Variants in RGS9 observed in about 807,000 individuals in gnomAD.
RGS9 encodes the protein regulator of G protein signaling 9.
RGS9 carries 78 observed loss-of-function variants against 102.0 expected under a neutral mutation model. That is an observed-to-expected ratio of 0.76 (90% CI 0.64 to 0.92). The LOEUF (loss-of-function observed/expected upper bound fraction) is 0.92, where lower values mean the gene tolerates loss of function less well. Ranked by LOEUF, RGS9 falls within the 40% of genes least tolerant of loss-of-function variation. The probability of loss-of-function intolerance (pLI) is 0.00; values close to 1 mark genes in which losing one functional copy is unlikely to be tolerated. For synonymous variants in RGS9, 353 were observed against 318.6 expected (o/e 1.11, Z -1.15); for missense variants, 833 against 866.1 (o/e 0.96, Z 0.48).
intron 17 of RGS9, among the ~76,000 whole-genome samples, chr17:65,212,024 G>A (rs528105801): frequency 1.5e-3 from 228 of 152,342 alleles, no homozygotes; most frequent in African/African-American, 5.3e-3. Context: ...AGTGAGATGA[G>A]TTTTCTCTGC....
intron 1 of RGS9, 138 bp from the exon 2 acceptor site, chr17:65,153,284 C>T (rs1910648585): frequency 2.6e-6 from 2 of 779,710 alleles, no homozygotes; most frequent in Admixed American, 1.7e-5. Context: ...ACTCAGTGCC[C>T]ACCTGGCTCC....
intron 12 of RGS9, 122 bp from the exon 13 acceptor site, chr17:65,197,004 G>C (rs1396003466): frequency 2.8e-6 from 2 of 720,012 alleles, no homozygotes; most frequent in Non-Finnish European, 5.1e-6. Flanking sequence ...GTTATGCAGG[G>C]ATTGGGAGGA....
rs902329283 is a variant in RGS9 at position 65,160,760 on chromosome 17, C to T, written c.365-91C>T. ...CTGGGTGTGCTGAGCGTTCTCTCCCCGACTCTGAGCACAGCAGCCTCAGGC... is the reference window on the plus strand; with the variant it reads ...CTGGGTGTGCTGAGCGTTCTCTCCCTGACTCTGAGCACAGCAGCCTCAGGC... On this transcript the variant is annotated intron_variant, in intron 5 of 18. Transcript: ENST00000262406. 230 of 1,459,610 alleles carry T rather than the reference C, an allele frequency of 1.6e-4. 1 individual carries two copies. Among genetic ancestry groups the T allele is most frequent in the Non-Finnish European group, 1.8e-4 (183 of 1,041,426 alleles). The allele number at this position is 1,459,610 out of a possible 1,614,324, so 90.4% of individuals were successfully genotyped here.
At chr17:65,207,463 C>T (rs1913109851) in intron 15 of RGS9, among the ~76,000 whole-genome samples, 1 of 152,158 alleles carries the variant, frequency 6.6e-6, no homozygotes, top group Admixed American at 6.5e-5. Flanking sequence ...CATACATGAC[C>T]AGCTGTCTCA....
intron 1 of RGS9, among the ~76,000 whole-genome samples, chr17:65,144,482 C>T (rs544579556): frequency 1.3e-5 from 2 of 152,302 alleles, no homozygotes; most frequent in East Asian, 1.9e-4. Flanking sequence ...CAGCTGACAC[C>T]CTGACCCCCT....
chr17:65,159,287 T>C (rs1188891912), intron 3 of RGS9, among the ~76,000 whole-genome samples: 1 of 152,074 alleles, frequency 6.6e-6, no homozygotes, highest in Non-Finnish European at 1.5e-5. Flanking sequence ...CCAGGTGAAA[T>C]AAACAGCCTT....
At chr17:65,182,614 A>G (rs570961061) in intron 9 of RGS9, among the ~76,000 whole-genome samples, 100 of 152,350 alleles carry the variant, frequency 6.6e-4, no homozygotes, top group African/African-American at 2.3e-3. Flanking sequence ...AACAGAGACA[A>G]TGTCAGTTTC....
At chr17:65,148,694 T>C (rs1449320999) in intron 1 of RGS9, among the ~76,000 whole-genome samples, 1 of 152,182 alleles carries the variant, frequency 6.6e-6, no homozygotes, top group Non-Finnish European at 1.5e-5. Flanking sequence ...TCAGCCAGTC[T>C]GCAGTTGCTA....
At chr17:65,163,821 G>T (rs1424951821) in intron 7 of RGS9, among the ~76,000 whole-genome samples, 1 of 152,196 alleles carries the variant, frequency 6.6e-6, no homozygotes, top group African/African-American at 2.4e-5. Context: ...CCTTGCAGCT[G>T]CATCTGAGAG....
At chr17:65,204,073 C>G (rs9907340) in intron 14 of RGS9, 90 bp from the exon 15 acceptor site, 8 of 1,490,408 alleles carry the variant, frequency 5.4e-6, no homozygotes, top group Admixed American at 3.4e-5. Flanking sequence ...GTAACCGATT[C>G]GTATCAGTCC....
chr17:65,143,643 A>G (rs1163917073), intron 1 of RGS9, among the ~76,000 whole-genome samples: 2 of 151,638 alleles, frequency 1.3e-5, no homozygotes, highest in Non-Finnish European at 2.9e-5. Flanking sequence ...CACACACACA[A>G]ATGAGCTGGG....
At chr17:65,139,121 T>C (rs1487144340) in intron 1 of RGS9, among the ~76,000 whole-genome samples, 198 of 116,266 alleles carry the variant, frequency 1.7e-3, no homozygotes, top group African/African-American at 2.9e-3. Flanking sequence ...CACCCCACCT[T>C]TCCCTCCTCC....
chr17:65,199,387 T>C (rs1912726305), intron 13 of RGS9, among the ~76,000 whole-genome samples: 1 of 152,118 alleles, frequency 6.6e-6, no homozygotes, highest in Non-Finnish European at 1.5e-5. Flanking sequence ...AGACATTTCA[T>C]GTAAACGAAA....
intron 2 of RGS9, 53 bp from the exon 3 acceptor site, chr17:65,158,242 G>A (rs371163516): frequency 2.5e-5 from 38 of 1,540,704 alleles, no homozygotes; most frequent in African/African-American, 2.3e-4. Context: ...GTGGAGGAGC[G>A]GGGATGTGTC....
intron 15 of RGS9, among the ~76,000 whole-genome samples, chr17:65,206,726 T>A (rs1242279236): frequency 6.6e-6 from 1 of 152,134 alleles, no homozygotes; most frequent in Non-Finnish European, 1.5e-5. Flanking sequence ...TTCATACGGC[T>A]TTTTAGGGGA....
In RGS9 at chr17:65,227,543, G is replaced by C. The variant is rs1905754928; in HGVS notation, c.*136G>C. ...CATTTGAAGATTGGGGAGACAAGAT[G>C]GGGTAGATTGTGGCAAAGAATGCTC... On this transcript the variant is annotated 3_prime_UTR_variant, in exon 19 of 19. Coordinates refer to ENST00000262406, the MANE Select transcript of RGS9 (RefSeq NM_003835.4). The C allele has an allele frequency of 8.1e-7, 1 of 1,233,778 alleles. No homozygotes were observed. Among genetic ancestry groups the C allele is most frequent in the African/African-American group, 1.5e-5 (1 of 66,958 alleles). 76.4% of individuals were successfully genotyped at this position (1,233,778 alleles called of 1,614,324 possible). A position where few individuals can be genotyped will look rare whatever the true frequency, so the allele number is the denominator to read the frequency against.
intron 15 of RGS9, among the ~76,000 whole-genome samples, chr17:65,206,952 C>A (rs1413658905): frequency 6.6e-6 from 1 of 152,142 alleles, no homozygotes; most frequent in African/African-American, 2.4e-5. Flanking sequence ...AGAATAGTGC[C>A]ATTTCAATAA....
chr17:65,178,597 G>A (rs1019267451), intron 9 of RGS9, among the ~76,000 whole-genome samples: 2 of 151,928 alleles, frequency 1.3e-5, no homozygotes, highest in Admixed American at 1.3e-4. Flanking sequence ...TTGACCTCTT[G>A]GGCTCAGGTG....
intron 7 of RGS9, among the ~76,000 whole-genome samples, chr17:65,167,346 T>C (rs1339389265): frequency 6.6e-6 from 1 of 151,972 alleles, no homozygotes; most frequent in Non-Finnish European, 1.5e-5. Flanking sequence ...GGATTACAAG[T>C]GCTTGCCACC....
Sources: allele counts gnomAD v4.1 joint callset (sites outside exome capture counted in the v4.1 genomes callset), GRCh38; gene constraint gnomAD v4.1.1; transcripts MANE v1.5; gene names NCBI Gene and HGNC (gene_info 2026-07-23, HGNC 2026-07-21).